The following OLFM1 variants were observed in gnomAD, a reference collection of about 807,000 sequenced individuals.
OLFM1 encodes the protein noelin.
Under a neutral mutation model 49.7 loss-of-function variants are expected in OLFM1, and 9 were observed. That is an observed-to-expected ratio of 0.18 (90% CI 0.11 to 0.32). The LOEUF is 0.32. Ranked by LOEUF, OLFM1 falls within the 10% of genes least tolerant of loss-of-function variation. OLFM1 has a pLI of 1.00. For missense variants in OLFM1, 369 were observed against 661.8 expected (o/e 0.56, Z 4.85); for synonymous variants, 240 against 271.8 (o/e 0.88, Z 1.15).
intron 3 of OLFM1, chr9:135,097,873 A>C: frequency 1.3e-6 from 2 of 1,593,542 alleles, no homozygotes; most frequent in Non-Finnish European, 1.7e-6. Flanking sequence ...AGCTTTTTGC[A>C]CCATGCATTT....
intron 2 of OLFM1, 146 bp from the exon 3 acceptor site, chr9:135,095,718 C>A: frequency 1.3e-6 from 1 of 798,580 alleles, no homozygotes; most frequent in Non-Finnish European, 2.0e-6. Flanking sequence ...GCGATGCTGG[C>A]GATTACCTTG....
chr9:135,079,583 C>A (rs543154789), intron 1 of OLFM1, among the ~76,000 whole-genome samples: 1 of 151,950 alleles, frequency 6.6e-6, no homozygotes, highest in Non-Finnish European at 1.5e-5. Flanking sequence ...CCAGCCTGGG[C>A]GACAGAGCGA....
At chr9:135,114,908 AT>A in intron 5 of OLFM1, among the ~76,000 whole-genome samples, 1 of 152,268 alleles carries the variant, frequency 6.6e-6, no homozygotes, top group African/African-American at 2.4e-5. Context: ...TGCATGGGGA[AT>A]AGCCCTCTTC....
chr9:135,119,378 C>G (rs533162643), intron 5 of OLFM1, 126 bp from the exon 6 acceptor site: 6 of 776,222 alleles, frequency 7.7e-6, no homozygotes, highest in East Asian at 5.1e-5. Context: ...GGAGTGCTCA[C>G]TGGGTCTTTG....
At chr9:135,094,445 T>A (rs1401235513) in intron 2 of OLFM1, among the ~76,000 whole-genome samples, 1 of 152,162 alleles carries the variant, frequency 6.6e-6, no homozygotes, top group African/African-American at 2.4e-5. Flanking sequence ...AGACAAACTT[T>A]ACATCTTTTC....
At chr9:135,075,972 T>C in intron 1 of OLFM1, 1 of 1,106,722 alleles carries the variant, frequency 9.0e-7, no homozygotes, top group Non-Finnish European at 1.1e-6. Flanking sequence ...TGGACCTGGG[T>C]GGGAGGGAGG....
At chr9:135,076,149 GAGCCGGAT>G (rs1564264049) in intron 1 of OLFM1, 5 of 1,550,032 alleles carry the variant, frequency 3.2e-6, no homozygotes, top group Non-Finnish European at 4.4e-6. Flanking sequence ...GGAAGAGTGA[GAGCCGGAT>G]AGCCAAGACC....
intron 4 of OLFM1, among the ~76,000 whole-genome samples, chr9:135,102,742 C>T (rs1384169863): frequency 6.6e-6 from 1 of 152,204 alleles, no homozygotes; most frequent in Non-Finnish European, 1.5e-5. Flanking sequence ...TAAGTCTTCC[C>T]GGATTGCAGG....
At position 135,080,505 on chromosome 9, in the gene OLFM1, G is replaced by C. The variant is rs1048845738; in HGVS notation, c.96+4703G>C. Among the ~76,000 whole-genome samples, 3 of 152,088 alleles carry C rather than the reference G, an allele frequency of 2.0e-5. No individual in the cohort carries two copies. Among genetic ancestry groups the C allele is most frequent in the Non-Finnish European group, 2.9e-5 (2 of 68,020 alleles). ...GGGCACCCTCCCCTTTCCCATTCCCGGGCTGCCTCCCCTGGTGGAGAGGCT... is the reference window on the plus strand; with the variant it reads ...GGGCACCCTCCCCTTTCCCATTCCCCGGCTGCCTCCCCTGGTGGAGAGGCT... On this transcript the variant is annotated intron_variant, in intron 1 of 5. Transcript: ENST00000252854. This position sits in a 1 kb window ranked among gnomAD's most constrained non-coding sequence, Gnocchi z 4.5.
intron 4 of OLFM1, chr9:135,106,161 T>C (rs1488448206): frequency 6.5e-6 from 1 of 152,790 alleles, no homozygotes; most frequent in Admixed American, 6.5e-5. Context: ...CTCACGCCTG[T>C]GGGAGAAGCG....
chr9:135,105,308 G>A (rs1026441352), intron 4 of OLFM1, among the ~76,000 whole-genome samples: 3 of 152,240 alleles, frequency 2.0e-5, no homozygotes, highest in African/African-American at 4.8e-5. Flanking sequence ...AGCCCGACTC[G>A]ATGGGAATTT....
At chr9:135,118,946 T>A (rs963978401) in intron 5 of OLFM1, among the ~76,000 whole-genome samples, 2 of 145,278 alleles carry the variant, frequency 1.4e-5, no homozygotes, top group African/African-American at 5.2e-5. Flanking sequence ...TCTTTGGAAG[T>A]GCTCACTGGG....
intron 5 of OLFM1, among the ~76,000 whole-genome samples, chr9:135,119,114 C>T (rs1047429252): frequency 1.3e-4 from 20 of 151,090 alleles, no homozygotes; most frequent in South Asian, 2.1e-4. Flanking sequence ...TGGAAGTGCT[C>T]ACCGGGTCTT....
rs1246829439 is a variant in OLFM1, at chr9:135,113,048, G to A, written c.783+6193G>A. 6.6e-6 allele frequency among the ~76,000 whole-genome samples: 1 copy of A among 152,304 alleles called. No homozygotes were observed. Among genetic ancestry groups the A allele is most frequent in the East Asian group, 1.9e-4 (1 of 5,160 alleles). ...AGGGCAGGCTTTGGATGTGCTGTGT[G>A]CAAGATCCAGACCAGCGTGCACGCT... On this transcript the variant is annotated intron_variant, in intron 5 of 5. Transcript: ENST00000371793. The surrounding 1 kb of genome is among the most constrained non-coding windows in gnomAD (Gnocchi z 4.0).
rs765777988 is a variant in OLFM1 at position 135,119,743 on chromosome 9, C to T, written c.1023C>T (p.Tyr341=). The change falls in exon 6 of 6, where the codon TAC becomes TAT. Residue 341 remains tyrosine, a synonymous_variant. Coordinates refer to ENST00000371793, the MANE Select transcript of OLFM1 (RefSeq NM_001282611.2). Reference sequence around the variant, plus strand: ...CCCGCAGCCTGGACTATGCCGGTTACAACAACATGTACCACTACGCCTGGG... The same window carrying T: ...CCCGCAGCCTGGACTATGCCGGTTATAACAACATGTACCACTACGCCTGGG... The part of the protein sequence containing the change: ...LKTRSLDYAG[Y]NNMYHYAWGG... The T allele has an allele frequency of 3.1e-6, 5 of 1,614,078 alleles. No individual in the cohort carries two copies. The highest frequency in any genetic ancestry group is 4.2e-6 in the Non-Finnish European group (5 of 1,180,044).
intron 2 of OLFM1, among the ~76,000 whole-genome samples, chr9:135,091,585 TCAC>T (rs1830692271): frequency 2.9e-5 from 2 of 69,184 alleles, no homozygotes; most frequent in Non-Finnish European, 6.2e-5. Flanking sequence ...AGTCACACAC[TCAC>T]AGTCACACAC....
rs1369949687 is a variant in OLFM1, at chr9:135,076,358, G to A, written c.96+556G>A. 5.2e-6 allele frequency: 8 copies of A among 1,533,482 alleles called. No individual in the cohort carries two copies. In the African/African-American group the frequency reaches 1.1e-4, roughly 21 times the overall value. 95.0% of individuals were successfully genotyped at this position (1,533,482 alleles called of 1,614,324 possible). On this transcript the variant is annotated intron_variant, in intron 1 of 5. Coordinates refer to the OLFM1 transcript ENST00000252854. ...TGTGCATTGCTGGCTTAATATGCAG[G>A]GCTTGGGGGGCTGTGGCCACATGCC...
At chr9:135,077,092 AG>A in intron 1 of OLFM1, 9 of 1,550,550 alleles carry the variant, frequency 5.8e-6, no homozygotes, top group Middle Eastern at 1.7e-4. Flanking sequence ...GGCCCCAGGA[AG>A]GCCTGGTGGA....
At chr9:135,114,182 G>T (rs2119140499) in intron 5 of OLFM1, among the ~76,000 whole-genome samples, 1 of 54,528 alleles carries the variant, frequency 1.8e-5, no homozygotes. Context: ...GCCCATGCTG[G>T]AGTGCTGGAG....
Sources: allele counts gnomAD v4.1 joint callset (sites outside exome capture counted in the v4.1 genomes callset), GRCh38; gene constraint gnomAD v4.1.1; non-coding constraint Gnocchi (gnomAD v3.1); transcripts MANE v1.5; gene names NCBI Gene and HGNC (gene_info 2026-07-23, HGNC 2026-07-21).